Variants in COQ6 observed in about 807,000 individuals in gnomAD.
COQ6 encodes the protein ubiquinone biosynthesis monooxygenase COQ6, mitochondrial.
COQ6 carries 45 observed loss-of-function variants against 55.5 expected under a neutral mutation model. The observed-to-expected ratio is 0.81, with a 90% CI of 0.64 to 1.04. The LOEUF is 1.04. COQ6 is among the 50% of genes least tolerant of loss of function. The pLI, the probability that COQ6 is intolerant of heterozygous loss-of-function variation, is 0.00. For synonymous variants in COQ6, 206 were observed against 230.5 expected (o/e 0.89, Z 0.96); for missense variants, 550 against 601.3 (o/e 0.91, Z 0.89).
At position 73,950,358 on chromosome 14, in the gene COQ6, G is replaced by T. The variant is rs1431329217; in HGVS notation, c.26G>T (p.Cys9Phe). The T allele has an allele frequency of 6.4e-7, 1 of 1,557,512 alleles. No homozygotes were observed. MAARLVSR[C>F]GAVRAAPHSG... ...ATGGCGGCCCGGCTTGTCAGCCGAT[G>T]CGGGGCTGTGCGTGCAGCTCCCCAC... Residue 9 changes from cysteine to phenylalanine, a missense_variant, in exon 1 of 12, where the codon TGC (cysteine) becomes TTC (phenylalanine). By Grantham distance (205) the Cys-to-Phe change is radical. Transcript: ENST00000334571.
intron 7 of COQ6, 52 bp from the exon 8 acceptor site, chr14:73,959,363 T>A: frequency 6.2e-7 from 1 of 1,614,216 alleles, no homozygotes; most frequent in South Asian, 1.1e-5. Flanking sequence ...GCTTGAGAGT[T>A]TCCAAGTGCA....
chr14:73,953,613 C>G, intron 2 of COQ6, 44 bp downstream of exon 2: 2 of 1,612,980 alleles, frequency 1.2e-6, no homozygotes, highest in Admixed American at 1.7e-5. Context: ...TCCTTTCCCA[C>G]TTAGCTTTCT....
chr14:73,958,545 T>A (rs1188783923), intron 5 of COQ6: 58 of 1,315,884 alleles, frequency 4.4e-5, no homozygotes, highest in Non-Finnish European at 2.1e-5. Context: ...GAATGGAGGC[T>A]GTTCTTTCCC....
chr14:73,953,676 C>T (rs1566682900), intron 2 of COQ6, 107 bp downstream of exon 2: 6 of 1,464,826 alleles, frequency 4.1e-6, no homozygotes, highest in Non-Finnish European at 5.7e-6. Flanking sequence ...AGGGAGCTCA[C>T]TGAGGTGGGT....
At position 73,961,810 on chromosome 14, in the gene COQ6, CT is replaced by C; in HGVS notation, c.1286del (p.Leu429TyrfsTer2). On this transcript the variant is annotated frameshift_variant, in exon 11 of 12. Coordinates refer to ENST00000334571, the MANE Select transcript of COQ6 (RefSeq NM_182476.3). LOFTEE classifies it high-confidence loss of function. Reference protein sequence around the residue: ...HNTALLAATDLLKRLYSTSAS... With the variant: ...HNTALLAATDXLKRLYSTSAS... ...ACACTGCTCTTCTGGCTGCTACAGA[CT>C]TACTAAAAAGGCTCTATTCTACCAG... 1.2e-6 allele frequency: 2 copies of C among 1,614,200 alleles called. No individual in the cohort carries two copies. The highest frequency in any genetic ancestry group is 1.7e-6 in the Non-Finnish European group (2 of 1,180,032).
Position 73,953,587 on chromosome 14 carries a change from C to T in COQ6, c.298+18C>T. 1 of 1,614,118 alleles carries T rather than the reference C, an allele frequency of 6.2e-7. No homozygotes were observed. Among genetic ancestry groups the T allele is most frequent in the Non-Finnish European group, 8.5e-7 (1 of 1,179,970 alleles). On this transcript the variant is annotated intron_variant, in intron 2 of 11. Transcript: ENST00000334571. ...TCTCAGTAGTGAGTAGAAGATCCTC[C>T]TTCAAAGATCCAATCTCCTTTCCCA...
upstream of COQ6, chr14:73,950,284 C>T: frequency 1.3e-6 from 2 of 1,540,602 alleles, no homozygotes; most frequent in Non-Finnish European, 1.7e-6. Context: ...GGACGCACTA[C>T]GTAGGTGGGC....
rs559873718 is a variant in COQ6, at chr14:73,961,308, C to T, written c.1027C>T (p.Arg343Ter). 3.5e-5 allele frequency: 57 copies of T among 1,614,078 alleles called. No individual in the cohort carries two copies. In the South Asian group the frequency reaches 5.5e-4, roughly 16 times the overall value. The change falls in exon 9 of 12, where the codon CGA becomes TGA. Residue 343 changes from arginine (R) to a stop codon, truncating the protein, a stop_gained. Coordinates refer to ENST00000334571, the MANE Select transcript of COQ6 (RefSeq NM_182476.3). LOFTEE classifies it high-confidence loss of function. ...CGTAGCCAGGGTGGATGCCAAAAGCCGAGTTCTGTTTCCTCTTGGGTTGGG... is the reference window on the plus strand; with the variant it reads ...CGTAGCCAGGGTGGATGCCAAAAGCTGAGTTCTGTTTCCTCTTGGGTTGGG... ...PSVARVDAKS[R>*]VLFPLGLGHA...
intron 2 of COQ6, 110 bp downstream of exon 2, chr14:73,953,679 A>G (rs2056288127): frequency 7.1e-7 from 1 of 1,400,374 alleles, no homozygotes; most frequent in Non-Finnish European, 1.0e-6. Flanking sequence ...GAGCTCACTG[A>G]GGTGGGTGGA....
rs929222833 is a variant in COQ6, at chr14:73,963,162, T to C, written c.*163T>C. 7 of 717,520 alleles carry C rather than the reference T, an allele frequency of 9.8e-6. No homozygotes were observed. The highest frequency in any genetic ancestry group is 5.3e-5 in the African/African-American group (3 of 56,118). 44.4% of individuals were successfully genotyped at this position (717,520 alleles called of 1,614,324 possible). On this transcript the variant is annotated 3_prime_UTR_variant, in exon 12 of 12. Coordinates refer to ENST00000334571, the MANE Select transcript of COQ6 (RefSeq NM_182476.3). ...GGGCCTGTGGCACCCAAATAATGAA[T>C]GATAATTTGCTGTGAGGAGCGTATA...
rs546671561 is a variant in COQ6 at position 73,963,369 on chromosome 14, G to A, written c.*370G>A. On this transcript the variant is annotated 3_prime_UTR_variant, in exon 12 of 12. Coordinates refer to ENST00000334571, the MANE Select transcript of COQ6 (RefSeq NM_182476.3). ...TCATAAATTTATACAGTTGTTTTTT[G>A]ATAGAGGTAAGAATTAGACTCGATG... 8 of 364,474 alleles carry A rather than the reference G, an allele frequency of 2.2e-5. No homozygotes were observed. The highest frequency in any genetic ancestry group is 3.9e-5 in the Non-Finnish European group (8 of 203,660). 22.6% of individuals were successfully genotyped at this position (364,474 alleles called of 1,614,324 possible).
In COQ6 at chr14:73,957,134, G is replaced by C. The variant is rs60611458; in HGVS notation, c.482-1013G>C. On this transcript the variant is annotated intron_variant, in intron 4 of 11. Coordinates refer to ENST00000334571, the MANE Select transcript of COQ6 (RefSeq NM_182476.3). ...TTTTTTGGAGATGGAGTCTCGCTCT[G>C]TCGCCCAGGCTGGAGTGCAGTGGCA... Among the ~76,000 whole-genome samples the C allele has an allele frequency of 2.0e-5, 3 of 149,344 alleles. No individual in the cohort carries two copies. In the East Asian group the frequency reaches 5.9e-4, roughly 29 times the overall value.
chr14:73,961,239 C>T lies in COQ6; in HGVS notation c.958C>T (p.Leu320Phe). Residue 320 changes from leucine (L) to phenylalanine (F), a missense_variant, in exon 9 of 12, where the codon CTT (leucine) becomes TTT (phenylalanine). By Grantham distance (22) the Leu-to-Phe change is conservative (BLOSUM62 0). Transcript: ENST00000334571. The stretch of plus-strand genomic sequence containing the variant: ...TGCCATGCTGCAGTATGCTGTCAGC[C>T]TTCTGAAGCCCACTAAGGTCTCGGC... ...AGAMLQYAVS[L>F]LKPTKVSARQ... is the part of the protein sequence containing the mutation. The T allele has an allele frequency of 6.2e-7, 1 of 1,614,154 alleles. No individual in the cohort carries two copies. Among genetic ancestry groups the T allele is most frequent in the Non-Finnish European group, 8.5e-7 (1 of 1,180,014 alleles).
chr14:73,950,895 C>A (rs11850082), intron 1 of COQ6, among the ~76,000 whole-genome samples: 2,690 of 152,326 alleles, frequency 0.018, 83 homozygotes, highest in African/African-American at 0.061. Flanking sequence ...AATATCCTTT[C>A]ATATGTTTAT....
chr14:73,958,486 G>A, intron 5 of COQ6: 2 of 1,398,880 alleles, frequency 1.4e-6, no homozygotes, highest in African/African-American at 1.4e-5. Context: ...GTCTTAGGTT[G>A]TGAAATAACA....
chr14:73,958,008 CATTA>C, intron 4 of COQ6, 135 bp from the exon 5 acceptor site: 1 of 766,124 alleles, frequency 1.3e-6, no homozygotes, highest in South Asian at 1.4e-5. Context: ...CAGACCACAG[CATTA>C]ATTACTGATT....
chr14:73,963,044 C>G lies in COQ6; in HGVS notation c.*45C>G, dbSNP rs2056826989. ...AGATTACGTTGATGAAAAAGAACAT[C>G]CTGCCCAGGACCCATCATACATATT... On this transcript the variant is annotated 3_prime_UTR_variant, in exon 12 of 12. Transcript: ENST00000334571. 7.0e-7 allele frequency: 1 copy of G among 1,420,876 alleles called. No individual in the cohort carries two copies. The highest frequency in any genetic ancestry group is 1.0e-6 in the Non-Finnish European group (1 of 1,004,040). 88.0% of individuals were successfully genotyped at this position (1,420,876 alleles called of 1,614,324 possible).
intron 4 of COQ6, 124 bp downstream of exon 4, chr14:73,956,052 C>T (rs530698001): frequency 2.1e-4 from 292 of 1,402,200 alleles, no homozygotes; most frequent in Middle Eastern, 1.1e-3. Context: ...TGGCCGGGTG[C>T]GGTGGCTCAC....
chr14:73,957,916 TGCC>T, intron 4 of COQ6: 1 of 494,548 alleles, frequency 2.0e-6, no homozygotes, highest in East Asian at 3.9e-5. Flanking sequence ...TAAGAAAGAG[TGCC>T]TCTGACAGAG....
Sources: gnomAD v4.1 joint callset for allele counts (sites outside exome capture counted in the v4.1 genomes callset) on GRCh38, gnomAD v4.1.1 for gene constraint, MANE v1.5 for transcripts, NCBI Gene and HGNC (gene_info 2026-07-23, HGNC 2026-07-21) for gene names.